Variants in CNTNAP3 observed in about 807,000 individuals in gnomAD.
The protein encoded by CNTNAP3 is contactin associated protein family member 3, also known as contactin-associated protein-like 3.
A neutral mutation model predicts 92.1 loss-of-function variants in CNTNAP3; 36 were observed. The ratio of observed to expected loss-of-function variants is 0.39; its 90% confidence interval spans 0.30 to 0.52. The LOEUF (loss-of-function observed/expected upper bound fraction) is 0.52, where lower values mean the gene tolerates loss of function less well. Among genes scored for constraint, CNTNAP3 ranks in the 20% least tolerant of loss-of-function variants. The pLI is 0.76. For missense variants in CNTNAP3, 534 were observed against 1,069.6 expected (o/e 0.50, Z 6.98); for synonymous variants, 232 against 422.3 (o/e 0.55, Z 5.53).
In CNTNAP3 at chr9:39,069,500, A is replaced by G. The variant is rs573933908; in HGVS notation, c.*4390T>C. Among the ~76,000 whole-genome samples, 1 of 152,430 alleles carries G rather than the reference A, an allele frequency of 6.6e-6. No homozygotes were observed. The highest frequency in any genetic ancestry group is 2.4e-5 in the African/African-American group (1 of 41,610). ...ACATTTTTATTCACAGAGCAAATGC[A>G]ACCATGTGAACCTCACATTTTAAAA... On this transcript the variant is annotated 3_prime_UTR_variant, in exon 24 of 24. Transcript: ENST00000297668.
intron 14 of CNTNAP3, among the ~76,000 whole-genome samples, chr9:39,113,225 G>T (rs1820753155): frequency 6.6e-6 from 1 of 151,992 alleles, no homozygotes; most frequent in Non-Finnish European, 1.5e-5. Flanking sequence ...CCCCGATTGA[G>T]AACTACTGCT....
chr9:39,119,058 A>C (rs1298362340), intron 13 of CNTNAP3, among the ~76,000 whole-genome samples: 3 of 152,316 alleles, frequency 2.0e-5, no homozygotes, highest in African/African-American at 7.2e-5. Context: ...TAATTTAAAA[A>C]GCAGGTGTCA....
chr9:39,077,984 TCACTTGAGGC>T (rs1825823415), intron 23 of CNTNAP3, among the ~76,000 whole-genome samples: 1 of 152,050 alleles, frequency 6.6e-6, no homozygotes, highest in Non-Finnish European at 1.5e-5. Flanking sequence ...GGCGGGCAGA[TCACTTGAGGC>T]CAGGAGTTCG....
chr9:39,080,229 T>C (rs144103580), intron 21 of CNTNAP3, among the ~76,000 whole-genome samples: 2 of 141,530 alleles, frequency 1.4e-5, no homozygotes, highest in East Asian at 4.3e-4. Flanking sequence ...TCCTGCCAAT[T>C]TGGTTTTAAC....
intron 15 of CNTNAP3, 123 bp from the exon 16 acceptor site, chr9:39,104,037 T>A (rs1336555022): frequency 8.9e-6 from 13 of 1,460,318 alleles, no homozygotes; most frequent in Non-Finnish European, 1.2e-5. Context: ...GAGCTTTCAC[T>A]GGGGGTTCTG....
Position 39,086,451 on chromosome 9 carries a change from AT to A in CNTNAP3, c.3354+264del, listed in dbSNP as rs2118418925. The A allele has an allele frequency of 1.1e-5, 3 of 270,724 alleles. No individual in the cohort carries two copies. The East Asian group carries it at 2.8e-4, about 25-fold the overall frequency. The allele number at this position is 270,724 out of a possible 1,614,324, so 16.8% of individuals were successfully genotyped here. On this transcript the variant is annotated intron_variant, in intron 20 of 23. Transcript: ENST00000297668. The stretch of plus-strand genomic sequence containing the variant: ...TCCCCTATTGAGTAAAGTAAAACAA[AT>A]AGATATTTTGATATTTTAAATAGTA...
At chr9:39,115,789 A>T (rs191671485) in intron 14 of CNTNAP3, among the ~76,000 whole-genome samples, 6 of 151,976 alleles carry the variant, frequency 3.9e-5, no homozygotes, top group Non-Finnish European at 8.8e-5. Flanking sequence ...ACCTGCACCC[A>T]CCTCAGTTCC....
intron 3 of CNTNAP3, among the ~76,000 whole-genome samples, chr9:39,204,967 A>AATC (rs369931763): frequency 0.034 from 2,745 of 79,946 alleles, 359 homozygotes; most frequent in Admixed American, 0.076. Flanking sequence ...CTCAAATTCA[A>AATC]ATCATCATCA....
At position 39,067,367 on chromosome 9, in the gene CNTNAP3, T is replaced by C. The variant is rs1825531208; in HGVS notation, c.*6523A>G. Among the ~76,000 whole-genome samples, 1 of 152,312 alleles carries C rather than the reference T, an allele frequency of 6.6e-6. No homozygotes were observed. Among genetic ancestry groups the C allele is most frequent in the Non-Finnish European group, 1.5e-5 (1 of 68,058 alleles). On this transcript the variant is annotated 3_prime_UTR_variant, in exon 24 of 24. Transcript: ENST00000297668. ...TCTTCACACACTTGGTAATTTTTTA[T>C]TGTATACCAGACATTGTGATTTTAC...
chr9:39,140,115 A>G (rs1468317778), intron 12 of CNTNAP3: 1 of 155,256 alleles, frequency 6.4e-6, no homozygotes, highest in Non-Finnish European at 1.4e-5. Flanking sequence ...AAAAAATTAT[A>G]TGCCATAAAA....
intron 13 of CNTNAP3, 38 bp downstream of exon 13, chr9:39,132,894 C>A: frequency 6.6e-7 from 1 of 1,514,396 alleles, no homozygotes; most frequent in Non-Finnish European, 8.8e-7. Flanking sequence ...CGCGCCCCGG[C>A]CCCGTGAACC....
intron 21 of CNTNAP3, among the ~76,000 whole-genome samples, chr9:39,081,472 G>A (rs1016400901): frequency 1.3e-5 from 2 of 149,684 alleles, no homozygotes; most frequent in Non-Finnish European, 3.0e-5. Flanking sequence ...GCCTGCTCCC[G>A]AGTAAATTCA....
chr9:39,094,884 T>C (rs1046356521), intron 18 of CNTNAP3, among the ~76,000 whole-genome samples: 1 of 151,630 alleles, frequency 6.6e-6, no homozygotes, highest in African/African-American at 2.4e-5. Flanking sequence ...AAAAAGTGCT[T>C]TGGGGATTCT....
At chr9:39,114,023 T>TACACACAC (rs772231006) in intron 14 of CNTNAP3, among the ~76,000 whole-genome samples, 1 of 141,490 alleles carries the variant, frequency 7.1e-6, no homozygotes, top group African/African-American at 2.9e-5. Context: ...CACATATATA[T>TACACACAC]ACACACATAT....
intron 10 of CNTNAP3, among the ~76,000 whole-genome samples, chr9:39,147,114 C>T (rs1488315748): frequency 3.9e-5 from 6 of 152,124 alleles, no homozygotes; most frequent in African/African-American, 9.7e-5. Context: ...CCATGTAAGA[C>T]GTGTCTTGAT....
chr9:39,112,052 A>T (rs1267978739), intron 14 of CNTNAP3, among the ~76,000 whole-genome samples: 1 of 136,060 alleles, frequency 7.3e-6, no homozygotes, highest in African/African-American at 3.1e-5. Flanking sequence ...CTTTTCTATT[A>T]TTTTCTAAAG....
At chr9:39,255,653 G>C (rs1822839478) in intron 2 of CNTNAP3, among the ~76,000 whole-genome samples, 1 of 63,238 alleles carries the variant, frequency 1.6e-5, no homozygotes, top group Non-Finnish European at 5.1e-5. Context: ...TATATGTAAA[G>C]TTCAGTAGCA....
chr9:39,101,262 C>T (rs1826450202), intron 17 of CNTNAP3, among the ~76,000 whole-genome samples: 1 of 151,528 alleles, frequency 6.6e-6, no homozygotes, highest in African/African-American at 2.4e-5. Flanking sequence ...CATCCACATA[C>T]ATACGTGGGT....
Position 39,069,648 on chromosome 9 carries a change from C to T in CNTNAP3, c.*4242G>A, listed in dbSNP as rs1335307238. ...GTAGTGCTTCAGTACATTTTCCCGA[C>T]GATATGATTAATCCATAATAAATTC... On this transcript the variant is annotated 3_prime_UTR_variant, in exon 24 of 24. Coordinates refer to ENST00000297668, the MANE Select transcript of CNTNAP3 (RefSeq NM_033655.5). Among the ~76,000 whole-genome samples the T allele has an allele frequency of 8.2e-4, 124 of 151,522 alleles. No homozygotes were observed. The highest frequency in any genetic ancestry group is 1.7e-3 in the Admixed American group (26 of 15,204).
Sources: gnomAD v4.1 joint callset for allele counts (sites outside exome capture counted in the v4.1 genomes callset) on GRCh38, gnomAD v4.1.1 for gene constraint, MANE v1.5 for transcripts, NCBI Gene and HGNC (gene_info 2026-07-23, HGNC 2026-07-21) for gene names.